Variants in CAMTA1 observed in about 807,000 individuals in gnomAD.
CAMTA1 encodes the protein calmodulin-binding transcription activator 1.
A neutral mutation model predicts 170.9 loss-of-function variants in CAMTA1; 27 were observed. The observed-to-expected ratio is 0.16, with a 90% CI of 0.12 to 0.22. The LOEUF is 0.22. Among genes scored for constraint, CAMTA1 ranks in the 10% least tolerant of loss-of-function variants. The pLI, the probability that CAMTA1 is intolerant of heterozygous loss-of-function variation, is 1.00. For missense variants in CAMTA1, 1,619 were observed against 2,217.2 expected, an observed-to-expected ratio of 0.73 and a Z score of 5.42; for synonymous variants, 833 against 891.5, an observed-to-expected ratio of 0.93 and a Z score of 1.17.
At chr1:7,512,897 C>T (rs1304393417) in intron 6 of CAMTA1, among the ~76,000 whole-genome samples, 1 of 152,104 alleles carries the variant, frequency 6.6e-6, no homozygotes, top group Non-Finnish European at 1.5e-5. Context: ...GCAGAGACCT[C>T]TTTGTGGAAG....
intron 3 of CAMTA1, among the ~76,000 whole-genome samples, chr1:6,908,995 G>T (rs968253671): frequency 6.6e-6 from 1 of 152,226 alleles, no homozygotes; most frequent in African/African-American, 2.4e-5. Context: ...AGAATAACAT[G>T]GCGAAGTACA....
At chr1:7,019,381 G>A (rs972184310) in intron 3 of CAMTA1, among the ~76,000 whole-genome samples, 4 of 152,210 alleles carry the variant, frequency 2.6e-5, no homozygotes, top group African/African-American at 9.6e-5. Context: ...GAGAGATTGG[G>A]TTGGGGATGG....
At chr1:7,129,808 A>G (rs763637495) in intron 4 of CAMTA1, among the ~76,000 whole-genome samples, 5 of 152,070 alleles carry the variant, frequency 3.3e-5, no homozygotes, top group Non-Finnish European at 7.4e-5. Context: ...TCCCTCTCCC[A>G]TCTCTAGACA....
intron 5 of CAMTA1, among the ~76,000 whole-genome samples, chr1:7,338,428 A>G (rs775445389): frequency 1.1e-4 from 16 of 152,356 alleles, no homozygotes; most frequent in Admixed American, 2.6e-4. Flanking sequence ...ACTGTGCACC[A>G]GGAGCATCGC....
chr1:7,348,097 G>A lies in CAMTA1; in HGVS notation c.438+98471G>A, dbSNP rs1476765788. Among the ~76,000 whole-genome samples, 7 of 152,260 alleles carry A rather than the reference G, an allele frequency of 4.6e-5. No individual in the cohort carries two copies. In the East Asian group the frequency reaches 7.7e-4, roughly 17 times the overall value. On this transcript the variant is annotated intron_variant, in intron 5 of 22. Coordinates refer to ENST00000303635, the MANE Select transcript of CAMTA1 (RefSeq NM_015215.4). ...GACTGACCAGGGGCTGTGCTCACTCGCAGGGCCTCTGGTGTCTCTGCCTCC... is the reference window on the plus strand; with the variant it reads ...GACTGACCAGGGGCTGTGCTCACTCACAGGGCCTCTGGTGTCTCTGCCTCC...
At chr1:7,096,259 T>A (rs1448540194) in intron 4 of CAMTA1, among the ~76,000 whole-genome samples, 1 of 152,172 alleles carries the variant, frequency 6.6e-6, no homozygotes, top group Non-Finnish European at 1.5e-5. Flanking sequence ...CTCCTCCTGG[T>A]TTCCTGACCC....
chr1:7,096,129 T>A (rs1642046713), intron 4 of CAMTA1, among the ~76,000 whole-genome samples: 3 of 152,172 alleles, frequency 2.0e-5, no homozygotes, highest in African/African-American at 7.2e-5. Flanking sequence ...ACTAAATGCC[T>A]TTTGGTCAAT....
intron 4 of CAMTA1, among the ~76,000 whole-genome samples, chr1:7,134,533 CCTGGGCTCA>C (rs1645438959): frequency 6.6e-6 from 1 of 152,020 alleles, no homozygotes; most frequent in African/African-American, 2.4e-5. Flanking sequence ...ATTACAAACT[CCTGGGCTCA>C]AGTGATCCTT....
intron 3 of CAMTA1, among the ~76,000 whole-genome samples, chr1:7,086,659 A>G (rs2148079937): frequency 6.6e-6 from 1 of 152,302 alleles, no homozygotes; most frequent in Admixed American, 6.5e-5. Flanking sequence ...AAATGGCACC[A>G]TGCAACACAG....
intron 4 of CAMTA1, among the ~76,000 whole-genome samples, chr1:7,185,881 G>T (rs1269725560): frequency 1.3e-5 from 2 of 152,232 alleles, no homozygotes; most frequent in African/African-American, 4.8e-5. Flanking sequence ...AAACTAAAGA[G>T]ATACAAAAAC....
chr1:6,835,257 T>C (rs1311480382), intron 3 of CAMTA1, among the ~76,000 whole-genome samples: 1 of 152,196 alleles, frequency 6.6e-6, no homozygotes, highest in Non-Finnish European at 1.5e-5. Context: ...TTTTTCTAAG[T>C]TGGATGAAGA....
At chr1:7,586,977 C>G (rs897921125) in intron 6 of CAMTA1, among the ~76,000 whole-genome samples, 1 of 151,960 alleles carries the variant, frequency 6.6e-6, no homozygotes, top group African/African-American at 2.4e-5. Flanking sequence ...CCAGATACAC[C>G]AGGGCAGGGG....
chr1:7,089,351 G>T (rs1324065584), intron 3 of CAMTA1, among the ~76,000 whole-genome samples: 2 of 152,148 alleles, frequency 1.3e-5, no homozygotes, highest in African/African-American at 4.8e-5. Flanking sequence ...TCTTAAGTGT[G>T]TTACTATTTT....
At chr1:6,926,562 TTCTCTC>T (rs1294971908) in intron 3 of CAMTA1, among the ~76,000 whole-genome samples, 1 of 138,906 alleles carries the variant, frequency 7.2e-6, no homozygotes, top group Non-Finnish European at 1.6e-5. Context: ...CCTTCCTTCT[TTCTCTC>T]TCTCTCCTTC....
chr1:6,971,855 T>C lies in CAMTA1; in HGVS notation c.235-119449T>C, dbSNP rs1006551646. Among the ~76,000 whole-genome samples the C allele has an allele frequency of 1.3e-5, 2 of 152,172 alleles. No homozygotes were observed. The highest frequency in any genetic ancestry group is 1.5e-5 in the Non-Finnish European group (1 of 68,024). On this transcript the variant is annotated intron_variant, in intron 3 of 22. Coordinates refer to ENST00000303635, the MANE Select transcript of CAMTA1 (RefSeq NM_015215.4). This position sits in a 1 kb window ranked among gnomAD's most constrained non-coding sequence, Gnocchi z 4.6. ...CAGGTGTGACTTGGCTCCGCTGCCA[T>C]TGGCGTCAGCAAGGCCCGTCAGCCT...
intron 4 of CAMTA1, among the ~76,000 whole-genome samples, chr1:7,223,746 C>T (rs574401559): frequency 6.6e-6 from 1 of 152,266 alleles, no homozygotes; most frequent in African/African-American, 2.4e-5. Flanking sequence ...AGCAATCTTC[C>T]CAGCATGTGT....
intron 1 of CAMTA1, among the ~76,000 whole-genome samples, chr1:6,810,009 G>A (rs1455085962): frequency 6.6e-6 from 1 of 152,186 alleles, no homozygotes; most frequent in Non-Finnish European, 1.5e-5. Flanking sequence ...TCCAAGATGA[G>A]AAAAGAAACC....
At chr1:7,005,737 G>A (rs1278554748) in intron 3 of CAMTA1, among the ~76,000 whole-genome samples, 2 of 152,246 alleles carry the variant, frequency 1.3e-5, no homozygotes, top group South Asian at 4.1e-4. Context: ...AGGCTTCCTC[G>A]AGGGAGGGAC....
At chr1:6,943,555 T>A (rs1168350095) in intron 3 of CAMTA1, among the ~76,000 whole-genome samples, 3 of 152,068 alleles carry the variant, frequency 2.0e-5, no homozygotes, top group African/African-American at 7.2e-5. Context: ...TTGTGTTAAA[T>A]ACACATAACG....
Sources: allele counts gnomAD v4.1 joint callset (sites outside exome capture counted in the v4.1 genomes callset), GRCh38; gene constraint gnomAD v4.1.1; non-coding constraint Gnocchi (gnomAD v3.1); transcripts MANE v1.5; gene names NCBI Gene and HGNC (gene_info 2026-07-23, HGNC 2026-07-21).